The following CDC42BPB variants were observed in gnomAD, a reference collection of about 807,000 sequenced individuals.
CDC42BPB encodes the protein CDC42 binding protein kinase beta.
A neutral mutation model predicts 214.9 loss-of-function variants in CDC42BPB; 37 were observed. That is an observed-to-expected ratio of 0.17 (90% confidence interval 0.13 to 0.23). The LOEUF is 0.23. Among genes scored for constraint, CDC42BPB ranks in the 10% least tolerant of loss-of-function variants. CDC42BPB has a pLI of 1.00. For synonymous variants in CDC42BPB, 931 were observed against 884.0 expected (o/e 1.05, Z -0.94); for missense variants, 1,694 against 2,227.0 (o/e 0.76, Z 4.82).
At chr14:103,036,911 G>A (rs1220920042) in intron 1 of CDC42BPB, among the ~76,000 whole-genome samples, 2 of 151,984 alleles carry the variant, frequency 1.3e-5, no homozygotes, top group African/African-American at 4.8e-5. Flanking sequence ...CGACCTCCCA[G>A]GCTCAAGCAA....
chr14:102,972,672 G>C (rs1427001030), intron 12 of CDC42BPB, among the ~76,000 whole-genome samples: 6 of 113,374 alleles, frequency 5.3e-5, no homozygotes, highest in South Asian at 3.2e-4. Context: ...CTGGGCGACA[G>C]AGCAAGACTC....
chr14:102,993,530 G>C (rs1053509913), intron 5 of CDC42BPB, among the ~76,000 whole-genome samples: 1 of 152,056 alleles, frequency 6.6e-6, no homozygotes, highest in Non-Finnish European at 1.5e-5. Context: ...AAGGATGAGA[G>C]GATGGAAGGA....
intron 5 of CDC42BPB, among the ~76,000 whole-genome samples, chr14:102,994,667 G>A (rs1020714678): frequency 2.4e-4 from 36 of 152,264 alleles, no homozygotes; most frequent in African/African-American, 8.2e-4. Flanking sequence ...CCCAGCTGCT[G>A]AGATTCTGGC....
At chr14:102,986,641 G>T in intron 5 of CDC42BPB, 61 bp from the exon 6 acceptor site, 1 of 1,586,552 alleles carries the variant, frequency 6.3e-7, no homozygotes, top group African/African-American at 1.3e-5. Context: ...GTAGATCAAA[G>T]CCCTTAACTA....
chr14:103,029,177 A>T (rs1168141661), intron 1 of CDC42BPB, among the ~76,000 whole-genome samples: 1 of 152,228 alleles, frequency 6.6e-6, no homozygotes, highest in African/African-American at 2.4e-5. Flanking sequence ...CTGCATGAGG[A>T]ATAAGTATGT....
At chr14:102,959,759 ATATTAT>A (rs1566858736) in intron 20 of CDC42BPB, 49 bp from the exon 21 acceptor site, 1 of 1,554,344 alleles carries the variant, frequency 6.4e-7, no homozygotes, top group East Asian at 2.3e-5. Context: ...TAAAGTCTAC[ATATTAT>A]TTTCAGACAG....
intron 20 of CDC42BPB, among the ~76,000 whole-genome samples, chr14:102,962,709 GGGTGGT>G (rs1178852280): frequency 1.3e-5 from 2 of 152,154 alleles, no homozygotes; most frequent in Non-Finnish European, 2.9e-5. Flanking sequence ...AATTAGCCAG[GGGTGGT>G]GGTGGTGTGC....
chr14:102,954,618 G>A lies in CDC42BPB; in HGVS notation c.2972C>T (p.Ala991Val), dbSNP rs779607293. ...CTGTCTCACCTCCTGCTGCTCTGATGCAGCCACAGACATCGACGGGGACGC... is the reference window on the plus strand; with the variant it reads ...CTGTCTCACCTCCTGCTGCTCTGATACAGCCACAGACATCGACGGGGACGC... ...PEASPSMSVA[A>V]SEQQEDMARP... is the part of the protein sequence containing the mutation. The change falls in exon 22 of 37, where the codon GCA becomes GTA. Residue 991 changes from alanine to valine, a missense_variant. Physicochemically the swap from Ala to Val is moderately conservative, Grantham distance 64 (BLOSUM62 0). This residue lies in a region of CDC42BPB where 156 missense variants were observed against 154.5 expected (regional missense o/e 1.01). Transcript: ENST00000361246. 5 of 1,613,600 alleles carry A rather than the reference G, an allele frequency of 3.1e-6. No homozygotes were observed. The highest frequency in any genetic ancestry group is 4.2e-6 in the Non-Finnish European group (5 of 1,179,742).
At chr14:102,952,812 CAAA>C in intron 23 of CDC42BPB, 1 of 807,344 alleles carries the variant, frequency 1.2e-6, no homozygotes, top group South Asian at 5.7e-5. Flanking sequence ...GAGAGGCCAA[CAAA>C]TACTTCCTTC....
intron 1 of CDC42BPB, among the ~76,000 whole-genome samples, chr14:103,020,836 C>G (rs1886732232): frequency 6.6e-6 from 1 of 152,254 alleles, no homozygotes; most frequent in African/African-American, 2.4e-5. Flanking sequence ...AGATTAGTAC[C>G]TATCACAAAG....
chr14:102,991,718 T>C (rs956023046), intron 5 of CDC42BPB, among the ~76,000 whole-genome samples: 12 of 152,222 alleles, frequency 7.9e-5, no homozygotes, highest in African/African-American at 2.9e-4. Flanking sequence ...GTGAATCTGA[T>C]TAAAAGTATA....
rs1891992267 is a variant in CDC42BPB, at chr14:102,943,435, A to G, written c.4408+456T>C. ...ACAGCCCCTACCACTTTCAGAAAAT[A>G]CTTGTCCTTAGAGGGACTGTAACTT... On this transcript the variant is annotated intron_variant, in intron 30 of 36. Coordinates refer to ENST00000361246, the MANE Select transcript of CDC42BPB (RefSeq NM_006035.4). The surrounding 1 kb of genome is among the most constrained non-coding windows in gnomAD (Gnocchi z 4.6). Among the ~76,000 whole-genome samples, 1 of 152,204 alleles carries G rather than the reference A, an allele frequency of 6.6e-6. No homozygotes were observed. The highest frequency in any genetic ancestry group is 6.5e-5 in the Admixed American group (1 of 15,278).
chr14:103,030,893 G>A (rs1056524939), intron 1 of CDC42BPB, among the ~76,000 whole-genome samples: 25 of 151,966 alleles, frequency 1.6e-4, no homozygotes, highest in African/African-American at 5.5e-4. Flanking sequence ...AGGCTGAGAC[G>A]GGAGGATGGC....
intron 1 of CDC42BPB, among the ~76,000 whole-genome samples, chr14:103,033,069 T>C (rs1307331818): frequency 6.6e-6 from 1 of 152,130 alleles, no homozygotes; most frequent in Non-Finnish European, 1.5e-5. Context: ...CACTGAAATA[T>C]TTACAAATGA....
chr14:103,033,236 T>G (rs1036363115), intron 1 of CDC42BPB, among the ~76,000 whole-genome samples: 1 of 152,116 alleles, frequency 6.6e-6, no homozygotes, highest in Non-Finnish European at 1.5e-5. Context: ...TTTTTGTTTG[T>G]TTTGAGACGG....
At chr14:102,966,125 C>T (rs947750395) in intron 18 of CDC42BPB, among the ~76,000 whole-genome samples, 157 bp downstream of exon 18, 1 of 152,192 alleles carries the variant, frequency 6.6e-6, no homozygotes, top group Non-Finnish European at 1.5e-5. Context: ...GATCTGAGAG[C>T]TGGCAAATGT....
At chr14:103,043,364 A>G (rs1408975130) in intron 1 of CDC42BPB, among the ~76,000 whole-genome samples, 2 of 152,222 alleles carry the variant, frequency 1.3e-5, no homozygotes, top group Non-Finnish European at 2.9e-5. Flanking sequence ...ATAAAAAGGG[A>G]TAATGCACTA....
chr14:103,056,356 T>C (rs1379430789), intron 1 of CDC42BPB, among the ~76,000 whole-genome samples: 2 of 152,160 alleles, frequency 1.3e-5, no homozygotes, highest in African/African-American at 2.4e-5. Context: ...AAAGTAGGTA[T>C]TCAGGCTCTG....
chr14:102,998,390 G>A (rs974104194), intron 5 of CDC42BPB, among the ~76,000 whole-genome samples: 6 of 152,252 alleles, frequency 3.9e-5, no homozygotes, highest in African/African-American at 1.4e-4. Context: ...AGTGTAATCA[G>A]CGGGGCCAGG....
Sources: allele counts gnomAD v4.1 joint callset (sites outside exome capture counted in the v4.1 genomes callset), GRCh38; gene constraint gnomAD v4.1.1; regional missense constraint gnomAD v4.1.1; non-coding constraint Gnocchi (gnomAD v3.1); transcripts MANE v1.5; gene names NCBI Gene and HGNC (gene_info 2026-07-23, HGNC 2026-07-21).